The following PUS7L variants were observed in gnomAD, a reference collection of about 807,000 sequenced individuals.
PUS7L encodes pseudouridylate synthase PUS7L.
In PUS7L, 49 loss-of-function variants were observed where a neutral mutation model predicts 51.1. That is an observed-to-expected ratio of 0.96 (90% CI 0.76 to 1.22). The LOEUF (loss-of-function observed/expected upper bound fraction) is 1.22, where lower values mean the gene tolerates loss of function less well. Ranked by LOEUF, PUS7L falls within the 50% of genes most tolerant of loss-of-function variation. The pLI, the probability that PUS7L is intolerant of heterozygous loss-of-function variation, is 0.00. For missense variants in PUS7L, 828 were observed against 820.6 expected (o/e 1.01, Z -0.11); for synonymous variants, 277 against 276.2 (o/e 1.00, Z -0.03).
chr12:43,752,442 C>T (rs149312584), intron 2 of PUS7L, among the ~76,000 whole-genome samples: 86 of 152,210 alleles, frequency 5.7e-4, no homozygotes, highest in Non-Finnish European at 1.2e-3. Context: ...AGGCTGAATG[C>T]TTACAAAGTA....
intron 7 of PUS7L, among the ~76,000 whole-genome samples, chr12:43,733,427 T>C (rs1944607359): frequency 6.6e-6 from 1 of 152,218 alleles, no homozygotes; most frequent in South Asian, 2.1e-4. Flanking sequence ...GATCTTAAAA[T>C]ATATATAAAC....
chr12:43,751,444 A>G (rs1938439986), intron 2 of PUS7L, among the ~76,000 whole-genome samples: 1 of 148,728 alleles, frequency 6.7e-6, no homozygotes, highest in African/African-American at 2.5e-5. Context: ...GAGAACATGC[A>G]GTGTTTGGTT....
At chr12:43,757,193 C>A (rs555737558) in intron 1 of PUS7L, among the ~76,000 whole-genome samples, 1 of 151,886 alleles carries the variant, frequency 6.6e-6, no homozygotes, top group South Asian at 2.1e-4. Flanking sequence ...TTTTTTGAGA[C>A]GAAGTCTCAC....
In PUS7L at chr12:43,725,047, C is replaced by T. The variant is rs1944437152; in HGVS notation, c.*5329G>A. On this transcript the variant is annotated 3_prime_UTR_variant, in exon 9 of 9. Coordinates refer to ENST00000344862, the MANE Select transcript of PUS7L (RefSeq NM_031292.5). ...TAGTTGGCTAAAAAGGTAAATCAGC[C>T]AATGTTGATATATGTAAATAGTATC... is the stretch of plus-strand genomic sequence containing the variant. The T allele has an allele frequency of 6.6e-6, 1 of 152,056 alleles. No individual in the cohort carries two copies. Among genetic ancestry groups the T allele is most frequent in the Non-Finnish European group, 1.5e-5 (1 of 68,008 alleles). The allele number at this position is 152,056 out of a possible 1,614,324, so 9.4% of individuals were successfully genotyped here.
chr12:43,737,798 A>G (rs1250019320), intron 6 of PUS7L, among the ~76,000 whole-genome samples: 1 of 152,156 alleles, frequency 6.6e-6, no homozygotes, highest in Admixed American at 6.5e-5. Context: ...AACCCCATGC[A>G]GTCTGACTCA....
intron 2 of PUS7L, among the ~76,000 whole-genome samples, chr12:43,752,661 T>A (rs1457391025): frequency 2.0e-5 from 3 of 152,218 alleles, no homozygotes; most frequent in Admixed American, 6.5e-5. Context: ...ATTCCACTTA[T>A]ATGAGACACC....
chr12:43,732,564 T>C (rs767507026), intron 7 of PUS7L, among the ~76,000 whole-genome samples: 1 of 152,230 alleles, frequency 6.6e-6, no homozygotes, highest in East Asian at 1.9e-4. Context: ...AGATTAACTC[T>C]ATGAAATGTG....
At chr12:43,743,758 G>T (rs924497671) in intron 4 of PUS7L, among the ~76,000 whole-genome samples, 2 of 150,322 alleles carry the variant, frequency 1.3e-5, no homozygotes. Flanking sequence ...GCGAGACTCC[G>T]TCTCAAAAAA....
At chr12:43,758,661 C>G in intron 1 of PUS7L, 69 bp downstream of exon 1, 6 of 753,736 alleles carry the variant, frequency 8.0e-6, no homozygotes, top group Non-Finnish European at 6.0e-6. Flanking sequence ...GTCACCCCCC[C>G]CCCCCACACA....
chr12:43,755,971 C>T (rs1938681233), intron 1 of PUS7L, among the ~76,000 whole-genome samples: 1 of 152,186 alleles, frequency 6.6e-6, no homozygotes, highest in Non-Finnish European at 1.5e-5. Flanking sequence ...TCTCACTTTT[C>T]ACACAAACCC....
chr12:43,754,781 A>G lies in PUS7L; in HGVS notation c.465T>C (p.Ile155=). The G allele has an allele frequency of 6.2e-7, 1 of 1,613,998 alleles. No individual in the cohort carries two copies. The highest frequency in any genetic ancestry group is 8.5e-7 in the Non-Finnish European group (1 of 1,179,920). ...REKWLSKTEL[I]GLPPEFSIGR... Reference sequence around the variant, plus strand: ...CTATTGAGAATTCAGGAGGTAGTCCAATTAGCTCTGTTTTAGAAAGCCACT... The same window carrying G: ...CTATTGAGAATTCAGGAGGTAGTCCGATTAGCTCTGTTTTAGAAAGCCACT... Residue 155 remains isoleucine (I), a synonymous_variant, in exon 2 of 9, where the codon ATT becomes ATC. Coordinates refer to ENST00000344862, the MANE Select transcript of PUS7L (RefSeq NM_031292.5).
intron 4 of PUS7L, among the ~76,000 whole-genome samples, chr12:43,745,742 A>G (rs527538373): frequency 2.6e-5 from 4 of 152,270 alleles, no homozygotes; most frequent in African/African-American, 9.6e-5. Context: ...TACTCTATAT[A>G]GCAGATGCTT....
rs2137641873 is a variant in PUS7L, at chr12:43,723,016, CA to C, written c.*7359del. 6.6e-6 allele frequency: 1 copy of C among 152,204 alleles called. No homozygotes were observed. The allele number at this position is 152,204 out of a possible 1,614,324, so 9.4% of individuals were successfully genotyped here. A position where few individuals can be genotyped will look rare whatever the true frequency, so the allele number is the denominator to read the frequency against. ...ACTCCATGGCTAAACTCCATCCTTG[CA>C]ACAGGAGTTTTATTTCTACATTGGT... On this transcript the variant is annotated 3_prime_UTR_variant, in exon 9 of 9. Transcript: ENST00000344862.
rs1938612502 is a variant in PUS7L, at chr12:43,754,742, G to A, written c.504C>T (p.Asp168=). The A allele has an allele frequency of 1.2e-6, 2 of 1,613,918 alleles. No individual in the cohort carries two copies. The highest frequency in any genetic ancestry group is 1.7e-6 in the Non-Finnish European group (2 of 1,179,880). Residue 168 remains aspartate (D), a synonymous_variant, in exon 2 of 9, where the codon GAC becomes GAT. Transcript: ENST00000344862. ...PPEFSIGRIL[D]KNQRASLHSA... ...TGTGTAAACTAGCCCTCTGGTTTTT[G>A]TCAAGGATTCTGCCTATTGAGAATT...
rs191353048 is a variant in PUS7L at position 43,742,111 on chromosome 12, A to G, written c.1362+346T>C. On this transcript the variant is annotated intron_variant, in intron 5 of 8. Transcript: ENST00000344862. ...TGCTCCCCTTTTAGTCTCTGGACTT[A>G]TGTGGATTCCTATCTTTTATATGAT... Among the ~76,000 whole-genome samples, 515 of 152,286 alleles carry G rather than the reference A, an allele frequency of 3.4e-3. 2 individuals are homozygous for G. The highest frequency in any genetic ancestry group is 5.3e-3 in the Non-Finnish European group (362 of 68,008).
Position 43,728,507 on chromosome 12 carries a change from A to G in PUS7L, c.*1869T>C, listed in dbSNP as rs1356762997. 1 of 152,086 alleles carries G rather than the reference A, an allele frequency of 6.6e-6. No homozygotes were observed. The highest frequency in any genetic ancestry group is 2.4e-5 in the African/African-American group (1 of 41,430). The allele number at this position is 152,086 out of a possible 1,614,324, so 9.4% of individuals were successfully genotyped here. On this transcript the variant is annotated 3_prime_UTR_variant, in exon 9 of 9. Coordinates refer to ENST00000344862, the MANE Select transcript of PUS7L (RefSeq NM_031292.5). ...TCATATAAAATAAAACATTTTTTCT[A>G]AATTTTTTTTACTACCTAATAGAGG... is the stretch of plus-strand genomic sequence containing the variant.
Position 43,754,494 on chromosome 12 carries a change from T to C in PUS7L, c.752A>G (p.Lys251Arg). The C allele has an allele frequency of 6.2e-7, 1 of 1,613,938 alleles. No homozygotes were observed. Among genetic ancestry groups the C allele is most frequent in the Non-Finnish European group, 8.5e-7 (1 of 1,179,872 alleles). ...HRKAVHHFVN[K>R]KFGNLVETKS... Reference sequence around the variant, plus strand: ...GGTTTCCACAAGGTTTCCAAACTTTTTGTTGACAAAATGGTGGACAGCTTT... The same window carrying C: ...GGTTTCCACAAGGTTTCCAAACTTTCTGTTGACAAAATGGTGGACAGCTTT... Residue 251 changes from lysine to arginine, a missense_variant, in exon 2 of 9, where the codon AAA becomes AGA. Coordinates refer to ENST00000344862, the MANE Select transcript of PUS7L (RefSeq NM_031292.5).
At position 43,742,521 on chromosome 12, in the gene PUS7L, C is replaced by T. The variant is rs1937951582; in HGVS notation, c.1298G>A (p.Arg433Lys). 1 of 1,610,044 alleles carries T rather than the reference C, an allele frequency of 6.2e-7. No individual in the cohort carries two copies. The highest frequency in any genetic ancestry group is 8.5e-7 in the Non-Finnish European group (1 of 1,178,590). Residue 433 changes from arginine to lysine, a missense_variant, in exon 5 of 9, where the codon AGA becomes AAA. Physicochemically the swap from Arg to Lys is conservative, Grantham distance 26. Coordinates refer to ENST00000344862, the MANE Select transcript of PUS7L (RefSeq NM_031292.5). ...GTGAACTTTCCTTCCCTTCCCAAAT[C>T]TCTGTGGTCCATAGTAATTCACAAA... is the stretch of plus-strand genomic sequence containing the variant. The part of the protein sequence containing the change: ...KGFVNYYGPQ[R>K]FGKGRKVHTD...
Position 43,755,066 on chromosome 12 carries a change from T to A in PUS7L, c.180A>T (p.Ile60=). Reference sequence around the variant, plus strand: ...TGGGAAAATTATTTGGCTCAAGTTGTATTTCACTAATCTTGAAAATAGGCT... The same window carrying A: ...TGGGAAAATTATTTGGCTCAAGTTGAATTTCACTAATCTTGAAAATAGGCT... The part of the protein sequence containing the change: ...IDEPIFKISE[I]QLEPNNFPKK... Residue 60 remains isoleucine, a synonymous_variant, in exon 2 of 9, where the codon ATA becomes ATT. Coordinates refer to ENST00000344862, the MANE Select transcript of PUS7L (RefSeq NM_031292.5). 3 of 1,613,538 alleles carry A rather than the reference T, an allele frequency of 1.9e-6. No individual in the cohort carries two copies. In the South Asian group the frequency reaches 3.3e-5, roughly 18 times the overall value.
Sources: gnomAD v4.1 joint callset for allele counts (sites outside exome capture counted in the v4.1 genomes callset) on GRCh38, gnomAD v4.1.1 for gene constraint, MANE v1.5 for transcripts, NCBI Gene and HGNC (gene_info 2026-07-23, HGNC 2026-07-21) for gene names.